P2RX6: variants seen among roughly 807,000 people sequenced by gnomAD.
P2RX6 encodes purinergic receptor P2X 6.
A neutral mutation model predicts 54.2 loss-of-function variants in P2RX6; 62 were observed. The observed-to-expected ratio is 1.14, with a 90% confidence interval of 0.93 to 1.41. The LOEUF is 1.41. Ranked by LOEUF, P2RX6 falls within the 40% of genes most tolerant of loss-of-function variation. The pLI is 0.00. For missense variants in P2RX6, 541 were observed against 566.3 expected, an observed-to-expected ratio of 0.96 and a Z score of 0.45; for synonymous variants, 211 against 231.9, an observed-to-expected ratio of 0.91 and a Z score of 0.82.
At chr22:21,017,000 C>T (rs1926514777) in intron 2 of P2RX6, among the ~76,000 whole-genome samples, 1 of 152,196 alleles carries the variant, frequency 6.6e-6, no homozygotes, top group Non-Finnish European at 1.5e-5. Flanking sequence ...AGTGCCTCAG[C>T]CAGACCCGTG....
rs1465469970 is a variant in P2RX6, at chr22:21,023,546, A to G, written c.818A>G (p.Asp273Gly). The G allele has an allele frequency of 6.2e-7, 1 of 1,613,718 alleles. No individual in the cohort carries two copies. Among genetic ancestry groups the G allele is most frequent in the Admixed American group, 1.7e-5 (1 of 59,966 alleles). ...GGCATCAGAGTTCACTGGGATTGTG[A>G]CCTGGACACCGGGGACTCTGGCTGC... ...SVGIRVHWDC[D>G]LDTGDSGCWP... The change falls in exon 8 of 12, where the codon GAC (aspartate) becomes GGC (glycine). Residue 273 changes from aspartate to glycine, a missense_variant. By Grantham distance (94) the Asp-to-Gly change is moderately conservative. This residue lies in a region of P2RX6 where 526 missense variants were observed against 531.5 expected (regional missense o/e 0.99). Transcript: ENST00000413302.
In P2RX6 at chr22:21,026,254, C is replaced by T; in HGVS notation, c.1053C>T (p.Val351=). The change falls in exon 11 of 12, where the codon GTC becomes GTT. Residue 351 remains valine (V), a splice_region_variant and synonymous_variant. Coordinates refer to ENST00000413302, the MANE Select transcript of P2RX6 (RefSeq NM_005446.5). This position sits in a 1 kb window ranked among gnomAD's most constrained non-coding sequence, Gnocchi z 4.0. ...LGTGAAWLGV[V]TFFCDLLLLY... ...TGGGTTGGCCCTGCCTCTCCCAGGT[C>T]ACCTTTTTCTGTGACCTGCTACTGC... 2.5e-6 allele frequency: 4 copies of T among 1,594,856 alleles called. No homozygotes were observed. Among genetic ancestry groups the T allele is most frequent in the Non-Finnish European group, 3.4e-6 (4 of 1,171,244 alleles).
At chr22:21,016,143 A>C in intron 2 of P2RX6, 51 bp downstream of exon 2, 1 of 1,521,648 alleles carries the variant, frequency 6.6e-7, no homozygotes, top group Non-Finnish European at 8.9e-7. Flanking sequence ...CCCCACTGAC[A>C]GCCTGAACAC....
At chr22:21,022,475 C>T (rs1239635605) in intron 3 of P2RX6, among the ~76,000 whole-genome samples, 1 of 152,200 alleles carries the variant, frequency 6.6e-6, no homozygotes, top group East Asian at 1.9e-4. Context: ...GCTCCCTCCT[C>T]TGACCACCTC....
upstream of P2RX6, chr22:21,013,746 G>C (rs1442981770): frequency 6.6e-6 from 1 of 152,278 alleles, no homozygotes; most frequent in African/African-American, 2.4e-5. Context: ...ACCGGAAGTA[G>C]TTCTAAATTC....
chr22:21,018,815 GT>G (rs2148028022), intron 3 of P2RX6: 1 of 151,368 alleles, frequency 6.6e-6, no homozygotes, highest in African/African-American at 2.4e-5. Flanking sequence ...TGGAGACGGG[GT>G]TTCACGGTGT....
At chr22:21,020,033 G>A (rs1448613935) in intron 3 of P2RX6, among the ~76,000 whole-genome samples, 2 of 152,170 alleles carry the variant, frequency 1.3e-5, no homozygotes, top group African/African-American at 4.8e-5. Flanking sequence ...CAGAGATTTT[G>A]TTTATGGCCA....
At chr22:21,010,177 T>G (rs1925660867), upstream of P2RX6, 1 of 152,278 alleles carries the variant, frequency 6.6e-6, no homozygotes, top group East Asian at 1.9e-4. Flanking sequence ...AAAATGGCCT[T>G]GCTGGGCCTG....
chr22:21,011,084 C>T (rs932397107), upstream of P2RX6, among the ~76,000 whole-genome samples: 4 of 152,074 alleles, frequency 2.6e-5, no homozygotes, highest in Non-Finnish European at 5.9e-5. Context: ...CCAATAATTA[C>T]TCAGAATGAT....
chr22:21,026,919 C>T lies in P2RX6; in HGVS notation c.*302C>T. The T allele has an allele frequency of 2.1e-6, 1 of 475,024 alleles. No homozygotes were observed. Among genetic ancestry groups the T allele is most frequent in the Non-Finnish European group, 3.8e-6 (1 of 265,152 alleles). The allele number at this position is 475,024 out of a possible 1,614,324, so 29.4% of individuals were successfully genotyped here. A position where few individuals can be genotyped will look rare whatever the true frequency, so the allele number is the denominator to read the frequency against. On this transcript the variant is annotated 3_prime_UTR_variant, in exon 12 of 12. Transcript: ENST00000413302. This position sits in a 1 kb window ranked among gnomAD's most constrained non-coding sequence, Gnocchi z 4.0. Reference sequence around the variant, plus strand: ...TCCTGCTGCGTCTGGGCCTGGAGGTCTCTCTCCCAGTGCTCTGTCCCCAGT... The same window carrying T: ...TCCTGCTGCGTCTGGGCCTGGAGGTTTCTCTCCCAGTGCTCTGTCCCCAGT...
Position 21,026,151 on chromosome 22 carries a change from A to T in P2RX6, c.1050+75A>T. 1 of 1,533,718 alleles carries T rather than the reference A, an allele frequency of 6.5e-7. No homozygotes were observed. The highest frequency in any genetic ancestry group is 8.9e-7 in the Non-Finnish European group (1 of 1,127,028). On this transcript the variant is annotated intron_variant, in intron 10 of 11. Transcript: ENST00000413302. This position sits in a 1 kb window ranked among gnomAD's most constrained non-coding sequence, Gnocchi z 4.0. The stretch of plus-strand genomic sequence containing the variant: ...CCAGGGTGTGTCCAATGCATGCTGG[A>T]GCCTCCGGTGCCTGCACATTGAGTC...
In P2RX6 at chr22:21,026,586, C is replaced by T. The variant is rs199498246; in HGVS notation, c.1295C>T (p.Thr432Ile). ...TPGWPCPSSD[T>I]HLPTHSGSL ...GGATGGCCCTGTCCAAGTTCTGACACCCACTTGCCAACCCATTCCGGGAGC... is the reference window on the plus strand; with the variant it reads ...GGATGGCCCTGTCCAAGTTCTGACATCCACTTGCCAACCCATTCCGGGAGC... The change falls in exon 12 of 12, where the codon ACC (threonine) becomes ATC (isoleucine). Residue 432 changes from threonine to isoleucine, a missense_variant. Thr to Ile is a moderately conservative substitution (Grantham distance 89). Coordinates refer to ENST00000413302, the MANE Select transcript of P2RX6 (RefSeq NM_005446.5). This position sits in a 1 kb window ranked among gnomAD's most constrained non-coding sequence, Gnocchi z 4.0. 1.4e-5 allele frequency: 22 copies of T among 1,589,684 alleles called. No individual in the cohort carries two copies. The highest frequency in any genetic ancestry group is 8.8e-5 in the Admixed American group (5 of 56,638).
intron 1 of P2RX6, 47 bp downstream of exon 1, chr22:21,015,385 G>T: frequency 6.6e-7 from 1 of 1,519,254 alleles, no homozygotes; most frequent in South Asian, 1.3e-5. Context: ...AAGGGAAGAG[G>T]TGGGGGGTGG....
At chr22:21,020,812 A>G (rs425174) in intron 3 of P2RX6, among the ~76,000 whole-genome samples, 138,418 of 151,802 alleles carry the variant, frequency 0.91, 63,423 homozygotes, top group African/African-American at 0.96. Context: ...GGCTGGTCTC[A>G]AACTCCTGAC....
chr22:21,015,346 A>G lies in P2RX6; in HGVS notation c.164+8A>G. Reference sequence around the variant, plus strand: ...CGTGGTCTATGTGGTAGGGTAAGAGAGAAGAGCTTTTGGCCAGGCTGGAGG... The same window carrying G: ...CGTGGTCTATGTGGTAGGGTAAGAGGGAAGAGCTTTTGGCCAGGCTGGAGG... On this transcript the variant is annotated splice_region_variant and intron_variant, in intron 1 of 11. Coordinates refer to ENST00000413302, the MANE Select transcript of P2RX6 (RefSeq NM_005446.5). 1 of 1,542,192 alleles carries G rather than the reference A, an allele frequency of 6.5e-7. No homozygotes were observed. The highest frequency in any genetic ancestry group is 8.7e-7 in the Non-Finnish European group (1 of 1,155,136).
rs758963906 is a variant in P2RX6 at position 21,023,187 on chromosome 22, C to T, written c.627C>T (p.Phe209=). The T allele has an allele frequency of 6.2e-7, 1 of 1,613,962 alleles. No individual in the cohort carries two copies. The highest frequency in any genetic ancestry group is 1.7e-5 in the Admixed American group (1 of 60,022). The change falls in exon 6 of 12, where the codon TTC becomes TTT. Residue 209 remains phenylalanine, a synonymous_variant. Coordinates refer to ENST00000413302, the MANE Select transcript of P2RX6 (RefSeq NM_005446.5). ...FIKNTVTFSK[F]NFSKSNALET... is the part of the protein sequence containing the mutation. ...AAAACACAGTCACCTTCAGCAAGTT[C>T]AACTTCTCTAAGTAAGCAGAGTGGG... is the stretch of plus-strand genomic sequence containing the variant.
intron 3 of P2RX6, among the ~76,000 whole-genome samples, chr22:21,020,579 CTTTTTTTTTTTTTTCT>C (rs1569174064): frequency 2.3e-5 from 3 of 132,544 alleles, no homozygotes; most frequent in East Asian, 2.7e-4. Context: ...TGAGCAGAAT[CTTTTTTTTTTTTTTCT>C]TTTTTTTTTT....
chr22:21,023,733 G>C, intron 8 of P2RX6, 115 bp downstream of exon 8: 1 of 725,610 alleles, frequency 1.4e-6, no homozygotes. Flanking sequence ...ACGTGTGCAA[G>C]GGGGTCCCAG....
chr22:21,026,680 G>C lies in P2RX6; in HGVS notation c.*63G>C. ...GCGGGGCCCTGCCTGGGGATCTCAA[G>C]GATGAGGCCCCAGCATGGAGGATTG... On this transcript the variant is annotated 3_prime_UTR_variant, in exon 12 of 12. Coordinates refer to ENST00000413302, the MANE Select transcript of P2RX6 (RefSeq NM_005446.5). This position sits in a 1 kb window ranked among gnomAD's most constrained non-coding sequence, Gnocchi z 4.0. The C allele has an allele frequency of 6.6e-7, 1 of 1,520,750 alleles. No homozygotes were observed. Among genetic ancestry groups the C allele is most frequent in the Non-Finnish European group, 8.9e-7 (1 of 1,129,892 alleles). The allele number at this position is 1,520,750 out of a possible 1,614,324, so 94.2% of individuals were successfully genotyped here.
Sources: gnomAD v4.1 joint callset for allele counts (sites outside exome capture counted in the v4.1 genomes callset) on GRCh38, gnomAD v4.1.1 for gene constraint, gnomAD v4.1.1 regional missense constraint, Gnocchi (gnomAD v3.1) non-coding constraint, MANE v1.5 for transcripts, NCBI Gene and HGNC (gene_info 2026-07-23, HGNC 2026-07-21) for gene names.